The following TBC1D16 variants were observed in gnomAD, a reference collection of about 807,000 sequenced individuals.
TBC1D16 encodes the protein TBC1 domain family member 16.
In TBC1D16, 58 loss-of-function variants were observed where a neutral mutation model predicts 74.7. That is an observed-to-expected ratio of 0.78 (90% CI 0.63 to 0.97). The LOEUF (loss-of-function observed/expected upper bound fraction) is 0.97. Ranked by LOEUF, TBC1D16 falls within the 50% of genes least tolerant of loss-of-function variation. The pLI is 0.00. For synonymous variants in TBC1D16, 493 were observed against 474.7 expected (o/e 1.04, Z -0.50); for missense variants, 1,014 against 1,079.5 (o/e 0.94, Z 0.85).
intron 1 of TBC1D16, among the ~76,000 whole-genome samples, chr17:80,022,523 G>A (rs1030858613): frequency 6.7e-6 from 1 of 149,224 alleles, no homozygotes; most frequent in Non-Finnish European, 1.5e-5. Context: ...TTTTTTAGTA[G>A]ACACCAGAGT....
At chr17:79,947,995 A>C (rs563719362) in intron 8 of TBC1D16, among the ~76,000 whole-genome samples, 164 bp from the exon 9 acceptor site, 41 of 152,280 alleles carry the variant, frequency 2.7e-4, no homozygotes, top group Admixed American at 2.0e-3. Flanking sequence ...GCTTCCAGAC[A>C]CACAGACCCT....
rs1177498833 is a variant in TBC1D16, at chr17:79,954,192, C to G, written c.780-1374G>C. ...ACTCAGCCGCATTCACCGCACCTGC[C>G]TTCCCGTTTGAGCTCAGAACATAAA... On this transcript the variant is annotated intron_variant, in intron 3 of 11. Transcript: ENST00000310924. The surrounding 1 kb of genome is among the most constrained non-coding windows in gnomAD (Gnocchi z 5.5). 6.6e-6 allele frequency among the ~76,000 whole-genome samples: 1 copy of G among 152,232 alleles called. No individual in the cohort carries two copies. Among genetic ancestry groups the G allele is most frequent in the African/African-American group, 2.4e-5 (1 of 41,466 alleles).
chr17:79,966,691 TC>T (rs1379572945), intron 3 of TBC1D16, among the ~76,000 whole-genome samples: 1 of 152,244 alleles, frequency 6.6e-6, no homozygotes, highest in African/African-American at 2.4e-5. Flanking sequence ...GTCTTTTTTT[TC>T]ATGTGTTTTG....
At chr17:79,948,378 G>A (rs764145582) in intron 8 of TBC1D16, among the ~76,000 whole-genome samples, 1 of 152,148 alleles carries the variant, frequency 6.6e-6, no homozygotes, top group Non-Finnish European at 1.5e-5. Context: ...TTGAGAGCAG[G>A]GGTTAAGGGG....
chr17:80,007,874 G>A lies in TBC1D16; in HGVS notation c.779+2286C>T, dbSNP rs554104448. Among the ~76,000 whole-genome samples the A allele has an allele frequency of 3.0e-4, 46 of 152,260 alleles. No individual in the cohort carries two copies. Among genetic ancestry groups the A allele is most frequent in the African/African-American group, 1.1e-3 (45 of 41,546 alleles). ...CAGATGGTGATGGGCCTTGGACCCC[G>A]AGTGAAGGAGATGGTGCTTCATCCT... On this transcript the variant is annotated intron_variant, in intron 3 of 11. Transcript: ENST00000310924. This position sits in a 1 kb window ranked among gnomAD's most constrained non-coding sequence, Gnocchi z 4.5.
At chr17:79,949,170 T>TG (rs1041524581) in intron 7 of TBC1D16, among the ~76,000 whole-genome samples, 164 bp from the exon 8 acceptor site, 12 of 152,182 alleles carry the variant, frequency 7.9e-5, no homozygotes, top group African/African-American at 2.7e-4. Context: ...GGCGGATGGG[T>TG]GGCGTGTATC....
intron 1 of TBC1D16, among the ~76,000 whole-genome samples, chr17:80,032,144 T>G (rs755427327): frequency 6.6e-6 from 1 of 152,222 alleles, no homozygotes. Flanking sequence ...ACGACTGAAG[T>G]GTGCAAGCCA....
At chr17:80,033,900 T>G (rs1020110022) in intron 1 of TBC1D16, among the ~76,000 whole-genome samples, 1 of 152,194 alleles carries the variant, frequency 6.6e-6, no homozygotes, top group Non-Finnish European at 1.5e-5. Context: ...TGGAAGAATG[T>G]TTGTATATGA....
At chr17:80,023,184 C>G (rs1490249584) in intron 1 of TBC1D16, among the ~76,000 whole-genome samples, 1 of 150,070 alleles carries the variant, frequency 6.7e-6, no homozygotes, top group Non-Finnish European at 1.5e-5. Context: ...ACTTCCTCCC[C>G]AGGCCACCCC....
chr17:79,976,126 G>C (rs960419046), intron 3 of TBC1D16, among the ~76,000 whole-genome samples: 1 of 152,192 alleles, frequency 6.6e-6, no homozygotes, highest in African/African-American at 2.4e-5. Context: ...GAGCGAGATG[G>C]AATCAAATAA....
intron 3 of TBC1D16, among the ~76,000 whole-genome samples, chr17:79,965,626 G>T (rs2033811349): frequency 6.6e-6 from 1 of 152,040 alleles, no homozygotes; most frequent in Admixed American, 6.6e-5. Context: ...CATGTCCCCG[G>T]GTTTCAGAAT....
Position 80,001,974 on chromosome 17 carries a change from G to A in TBC1D16, c.779+8186C>T, listed in dbSNP as rs1462478816. On this transcript the variant is annotated intron_variant, in intron 3 of 11. Coordinates refer to ENST00000310924, the MANE Select transcript of TBC1D16 (RefSeq NM_019020.4). The surrounding 1 kb of genome is among the most constrained non-coding windows in gnomAD (Gnocchi z 5.8). ...GGAAGGGCAAAGTGTGTCCTGATTCGTGTGCCACCGCTCACTTCTTCGCCC... is the reference window on the plus strand; with the variant it reads ...GGAAGGGCAAAGTGTGTCCTGATTCATGTGCCACCGCTCACTTCTTCGCCC... Among the ~76,000 whole-genome samples the A allele has an allele frequency of 1.3e-5, 2 of 152,118 alleles. No individual in the cohort carries two copies. Among genetic ancestry groups the A allele is most frequent in the African/African-American group, 2.4e-5 (1 of 41,414 alleles).
intron 3 of TBC1D16, among the ~76,000 whole-genome samples, chr17:79,968,663 C>T (rs184091649): frequency 2.0e-4 from 30 of 151,764 alleles, no homozygotes; most frequent in Middle Eastern, 6.8e-3. Context: ...ACCATCCTGG[C>T]TAACATAGTG....
At position 79,979,034 on chromosome 17, in the gene TBC1D16, T is replaced by C. The variant is rs1342889161; in HGVS notation, c.780-26216A>G. Among the ~76,000 whole-genome samples the C allele has an allele frequency of 6.6e-6, 1 of 152,234 alleles. No homozygotes were observed. ...GAACCCAAAAAGAATGTTTATTTTT[T>C]TTCCCCTAGATTTTATAGGAGCTTA... On this transcript the variant is annotated intron_variant, in intron 3 of 11. Transcript: ENST00000310924. The surrounding 1 kb of genome is among the most constrained non-coding windows in gnomAD (Gnocchi z 4.8).
rs912028263 is a variant in TBC1D16, at chr17:79,997,064, C to T, written c.779+13096G>A. Among the ~76,000 whole-genome samples the T allele has an allele frequency of 4.6e-5, 7 of 152,180 alleles. No homozygotes were observed. In the South Asian group the frequency reaches 8.3e-4, roughly 18 times the overall value. On this transcript the variant is annotated intron_variant, in intron 3 of 11. Transcript: ENST00000310924. ...CTGACATCATGCAGGGTTCCAGTTACGTAAAATTCTTACAGAGGAGTGGTT... is the reference window on the plus strand; with the variant it reads ...CTGACATCATGCAGGGTTCCAGTTATGTAAAATTCTTACAGAGGAGTGGTT...
At position 79,994,596 on chromosome 17, in the gene TBC1D16, G is replaced by A. The variant is rs2035197296; in HGVS notation, c.779+15564C>T. ...CTGCCACCACGCCCGGCTAATTTTT[G>A]TATTTTTAATAGAGACAGGGTTTCA... On this transcript the variant is annotated intron_variant, in intron 3 of 11. Transcript: ENST00000310924. The surrounding 1 kb of genome is among the most constrained non-coding windows in gnomAD (Gnocchi z 4.6). 6.6e-6 allele frequency among the ~76,000 whole-genome samples: 1 copy of A among 152,094 alleles called. No homozygotes were observed. The highest frequency in any genetic ancestry group is 2.4e-5 in the African/African-American group (1 of 41,428).
In TBC1D16 at chr17:79,936,513, G is replaced by A. The variant is rs2031598132; in HGVS notation, c.*4346C>T. ...AGGCATCATTATTCTCATGTTACAG[G>A]TGAGGAAACTGAGGCTGAAGGAGGC... On this transcript the variant is annotated 3_prime_UTR_variant, in exon 12 of 12. Transcript: ENST00000310924. 6.6e-6 allele frequency: 1 copy of A among 152,420 alleles called. No homozygotes were observed. Among genetic ancestry groups the A allele is most frequent in the South Asian group, 2.1e-4 (1 of 4,836 alleles). 9.4% of individuals were successfully genotyped at this position (152,420 alleles called of 1,614,324 possible).
At chr17:79,951,305 C>T in intron 5 of TBC1D16, 145 bp downstream of exon 5, 1 of 978,868 alleles carries the variant, frequency 1.0e-6, no homozygotes, top group Non-Finnish European at 1.5e-6. Context: ...AGTTGCTGCT[C>T]TGACGGCCAA....
At chr17:80,002,665 C>A (rs1431960423) in intron 3 of TBC1D16, among the ~76,000 whole-genome samples, 1 of 152,274 alleles carries the variant, frequency 6.6e-6, no homozygotes, top group Non-Finnish European at 1.5e-5. Flanking sequence ...CAGGAACATT[C>A]CGTCCAGACC....
Sources: allele counts gnomAD v4.1 joint callset (sites outside exome capture counted in the v4.1 genomes callset), GRCh38; gene constraint gnomAD v4.1.1; non-coding constraint Gnocchi (gnomAD v3.1); transcripts MANE v1.5; gene names NCBI Gene and HGNC (gene_info 2026-07-23, HGNC 2026-07-21).